The following PACRG variants were observed in gnomAD, a reference collection of about 807,000 sequenced individuals.
The protein encoded by PACRG is parkin coregulated gene protein.
A neutral mutation model predicts 29.7 loss-of-function variants in PACRG; 29 were observed. The observed-to-expected ratio is 0.98, with a 90% CI of 0.73 to 1.33. The LOEUF (loss-of-function observed/expected upper bound fraction) is 1.33. PACRG is among the 40% of genes most tolerant of loss of function. PACRG has a pLI of 0.00. For missense variants in PACRG, 279 were observed against 316.2 expected (o/e 0.88, Z 0.89); for synonymous variants, 116 against 118.7 (o/e 0.98, Z 0.15).
chr6:163,296,189 T>G (rs1427608838), intron 4 of PACRG, among the ~76,000 whole-genome samples: 2 of 152,104 alleles, frequency 1.3e-5, no homozygotes, highest in Non-Finnish European at 2.9e-5. Context: ...TGGGGTAGAA[T>G]AGTAGAACTA....
At chr6:162,796,718 AG>A (rs1785411545) in intron 1 of PACRG, among the ~76,000 whole-genome samples, 1 of 151,850 alleles carries the variant, frequency 6.6e-6, no homozygotes, top group Non-Finnish European at 1.5e-5. Context: ...AAAAAAAAAA[AG>A]GATACCTCAC....
chr6:163,097,900 G>C (rs929628541), intron 4 of PACRG, among the ~76,000 whole-genome samples: 1 of 152,148 alleles, frequency 6.6e-6, no homozygotes, highest in Non-Finnish European at 1.5e-5. Flanking sequence ...GGAGGGTATG[G>C]AATGGGGAAA....
intron 1 of PACRG, among the ~76,000 whole-genome samples, chr6:162,731,288 T>C (rs1424153537): frequency 6.6e-6 from 1 of 152,124 alleles, no homozygotes; most frequent in Non-Finnish European, 1.5e-5. Flanking sequence ...CAGTATATAA[T>C]ACAGATATAG....
chr6:162,755,872 T>A (rs1781879326), intron 1 of PACRG, among the ~76,000 whole-genome samples: 2 of 152,364 alleles, frequency 1.3e-5, no homozygotes, highest in South Asian at 2.1e-4. Context: ...AAATGTTTTT[T>A]TTTAATTTCC....
chr6:162,880,220 C>T (rs1223272067), intron 2 of PACRG, among the ~76,000 whole-genome samples: 3 of 152,116 alleles, frequency 2.0e-5, no homozygotes, highest in Non-Finnish European at 4.4e-5. Flanking sequence ...TAAGAAATGT[C>T]GGATTTCAAT....
intron 2 of PACRG, among the ~76,000 whole-genome samples, chr6:162,879,445 T>C (rs983315014): frequency 6.6e-6 from 1 of 152,348 alleles, no homozygotes; most frequent in East Asian, 1.9e-4. Context: ...TGACTCTGTC[T>C]AGACACCCAG....
intron 2 of PACRG, among the ~76,000 whole-genome samples, chr6:163,033,235 G>A (rs1807835677): frequency 6.6e-6 from 1 of 152,094 alleles, no homozygotes; most frequent in African/African-American, 2.4e-5. Context: ...TGAAAAACCT[G>A]GTTAGTAAGC....
intron 4 of PACRG, among the ~76,000 whole-genome samples, chr6:163,204,899 A>C (rs896018864): frequency 1.3e-5 from 2 of 152,208 alleles, no homozygotes; most frequent in Admixed American, 1.3e-4. Context: ...ATGTACAAAA[A>C]CCACTAGCTT....
chr6:162,864,898 A>G (rs1240876088), intron 2 of PACRG, among the ~76,000 whole-genome samples: 1 of 152,198 alleles, frequency 6.6e-6, no homozygotes, highest in Admixed American at 6.5e-5. Flanking sequence ...CCTATAAAGT[A>G]TGTGCTATTA....
rs2128195437 is a variant in PACRG, at chr6:163,314,980, T to A, written c.767T>A (p.Leu256Gln). 6.2e-7 allele frequency: 1 copy of A among 1,613,426 alleles called. No individual in the cohort carries two copies. Among genetic ancestry groups the A allele is most frequent in the Non-Finnish European group, 8.5e-7 (1 of 1,179,634 alleles). Reference protein sequence around the residue: ...YVVPTYESCLLN With the variant: ...YVVPTYESCLQN ...GTCCCAACCTACGAGTCTTGCTTGC[T>A]AAACTAACAGTGGCAGCAGCTGGGA... is the stretch of plus-strand genomic sequence containing the variant. The change falls in exon 5 of 5, where the codon CTA becomes CAA. Residue 256 changes from leucine to glutamine, a missense_variant. Transcript: ENST00000366888.
At chr6:162,825,100 T>C (rs922728900) in intron 2 of PACRG, among the ~76,000 whole-genome samples, 9 of 152,184 alleles carry the variant, frequency 5.9e-5, no homozygotes, top group Admixed American at 2.6e-4. Flanking sequence ...AAATAATAAA[T>C]TTTACCTTTA....
intron 4 of PACRG, among the ~76,000 whole-genome samples, chr6:163,180,935 G>A (rs1210701542): frequency 1.3e-5 from 2 of 152,168 alleles, no homozygotes; most frequent in African/African-American, 4.8e-5. Context: ...TTTGAAAGCT[G>A]GGGCTCCGTA....
chr6:162,835,990 C>T (rs185240995), intron 2 of PACRG, among the ~76,000 whole-genome samples: 38 of 152,062 alleles, frequency 2.5e-4, no homozygotes, highest in African/African-American at 7.2e-4. Flanking sequence ...GTCAGTTTTC[C>T]GTCCCACATC....
At chr6:163,268,361 C>A (rs904180325) in intron 4 of PACRG, among the ~76,000 whole-genome samples, 3 of 146,104 alleles carry the variant, frequency 2.1e-5, no homozygotes, top group Non-Finnish European at 4.5e-5. Flanking sequence ...AAGAATGCAC[C>A]ACTGCACTCC....
rs576877328 is a variant in PACRG, at chr6:163,145,658, G to A, written c.613+56250G>A. 1.8e-4 allele frequency among the ~76,000 whole-genome samples: 28 copies of A among 152,288 alleles called. No homozygotes were observed. In the South Asian group the frequency reaches 5.4e-3, roughly 29 times the overall value. On this transcript the variant is annotated intron_variant, in intron 4 of 4. Coordinates refer to ENST00000366888, the MANE Select transcript of PACRG (RefSeq NM_001080379.2). Reference sequence around the variant, plus strand: ...AACATCCCACACTACACAGGACAGCGCCACCACAAAGGACAGAAAGCGTCA... The same window carrying A: ...AACATCCCACACTACACAGGACAGCACCACCACAAAGGACAGAAAGCGTCA...
chr6:163,228,940 G>T (rs1375727166), intron 4 of PACRG, among the ~76,000 whole-genome samples: 3 of 152,076 alleles, frequency 2.0e-5, no homozygotes, highest in Non-Finnish European at 4.4e-5. Flanking sequence ...TTTCTCCCTG[G>T]ACCTGAAAAT....
intron 4 of PACRG, among the ~76,000 whole-genome samples, chr6:163,134,605 A>G (rs892676482): frequency 2.0e-5 from 3 of 151,968 alleles, no homozygotes; most frequent in Admixed American, 1.3e-4. Context: ...TTTTAAGGGG[A>G]AAAAAATACT....
At chr6:162,844,829 T>C (rs569514280) in intron 2 of PACRG, among the ~76,000 whole-genome samples, 15 of 152,236 alleles carry the variant, frequency 9.9e-5, no homozygotes, top group Non-Finnish European at 1.8e-4. Flanking sequence ...GTATTATAGT[T>C]ATTTATATAA....
chr6:163,062,138 C>T lies in PACRG; in HGVS notation c.292-12C>T. On this transcript the variant is annotated splice_polypyrimidine_tract_variant and intron_variant, in intron 2 of 4. Transcript: ENST00000366888. ...TGTTTTCACATGGCGTCTCTTCTTT[C>T]TTTACTTTCAGGTAGAAATTGAGAA... is the stretch of plus-strand genomic sequence containing the variant. 1 of 1,612,866 alleles carries T rather than the reference C, an allele frequency of 6.2e-7. No homozygotes were observed. The highest frequency in any genetic ancestry group is 8.5e-7 in the Non-Finnish European group (1 of 1,179,486).
Sources: allele counts gnomAD v4.1 joint callset (sites outside exome capture counted in the v4.1 genomes callset), GRCh38; gene constraint gnomAD v4.1.1; transcripts MANE v1.5; gene names NCBI Gene and HGNC (gene_info 2026-07-23, HGNC 2026-07-21).